The following AFDN variants were observed in gnomAD, a reference collection of about 807,000 sequenced individuals.
The protein encoded by AFDN is afadin.
A neutral mutation model predicts 216.6 loss-of-function variants in AFDN; 68 were observed. The observed-to-expected ratio is 0.31, with a 90% CI of 0.26 to 0.38. The LOEUF is 0.38. AFDN is among the 10% of genes least tolerant of loss of function. The pLI is 1.00. For synonymous variants in AFDN, 868 were observed against 853.7 expected, an observed-to-expected ratio of 1.02 and a Z score of -0.29; for missense variants, 2,136 against 2,342.0, an observed-to-expected ratio of 0.91 and a Z score of 1.82.
chr6:167,880,264 T>G, intron 5 of AFDN, 96 bp from the exon 6 acceptor site: 1 of 1,122,338 alleles, frequency 8.9e-7, no homozygotes, highest in Non-Finnish European at 1.3e-6. Context: ...TTAGCTAGAA[T>G]GCAGGTACCT....
chr6:167,886,560 A>C (rs946552207), intron 6 of AFDN, among the ~76,000 whole-genome samples: 1 of 152,182 alleles, frequency 6.6e-6, no homozygotes, highest in Non-Finnish European at 1.5e-5. Flanking sequence ...TTATAAGATA[A>C]TCCCTTACCA....
chr6:167,897,347 A>G (rs1788390116), intron 10 of AFDN, among the ~76,000 whole-genome samples: 1 of 152,220 alleles, frequency 6.6e-6, no homozygotes, highest in Non-Finnish European at 1.5e-5. Context: ...TTCTAATTAA[A>G]TTTAGCTTAA....
chr6:167,893,570 C>T (rs182774213), intron 8 of AFDN: 2 of 343,126 alleles, frequency 5.8e-6, no homozygotes, highest in Admixed American at 4.0e-5. Context: ...GGTGGTAGCC[C>T]TCTGTATGAT....
Position 167,962,729 on chromosome 6 carries a change from A to G in AFDN, c.4968+162A>G. ...GTGATTGGACCTGCAACTTTACCCC[A>G]TCTGGCCCACCTACCTCTCTTCTGG... On this transcript the variant is annotated intron_variant, in intron 31 of 33. Transcript: ENST00000683244. This position sits in a 1 kb window ranked among gnomAD's most constrained non-coding sequence, Gnocchi z 5.2. The G allele has an allele frequency of 6.6e-7, 1 of 1,507,520 alleles. No homozygotes were observed. Among genetic ancestry groups the G allele is most frequent in the South Asian group, 1.3e-5 (1 of 75,422 alleles). 93.4% of individuals were successfully genotyped at this position (1,507,520 alleles called of 1,614,324 possible).
chr6:167,856,375 G>A lies in AFDN; in HGVS notation c.106-8176G>A, dbSNP rs368721997. Among the ~76,000 whole-genome samples, 3 of 152,016 alleles carry A rather than the reference G, an allele frequency of 2.0e-5. No individual in the cohort carries two copies. The East Asian group carries it at 5.8e-4, about 29-fold the overall frequency. On this transcript the variant is annotated intron_variant, in intron 1 of 33. Transcript: ENST00000683244. ...CCATAGCAGACGTCCAGTGGGGTGG[G>A]GGGTCTTGGAACATGTTCCCTACAG...
At chr6:167,861,674 T>C (rs1326026625) in intron 1 of AFDN, among the ~76,000 whole-genome samples, 1 of 152,236 alleles carries the variant, frequency 6.6e-6, no homozygotes, top group Non-Finnish European at 1.5e-5. Flanking sequence ...CATTCTGGAT[T>C]CTTTCCTTTG....
intron 33 of AFDN, 136 bp from the exon 34 acceptor site, chr6:167,969,646 G>A (rs768772773): frequency 3.7e-5 from 29 of 788,156 alleles, no homozygotes; most frequent in Non-Finnish European, 4.8e-5. Context: ...CTGTGATTTC[G>A]ATTATAAGAA....
At chr6:167,923,389 T>C (rs35396637) in intron 22 of AFDN, among the ~76,000 whole-genome samples, 79 of 152,284 alleles carry the variant, frequency 5.2e-4, no homozygotes, top group Non-Finnish European at 9.7e-4. Flanking sequence ...AATCCCAAAA[T>C]TTCCCAGTTT....
intron 9 of AFDN, 76 bp from the exon 10 acceptor site, chr6:167,896,802 C>A: frequency 2.3e-6 from 2 of 858,234 alleles, no homozygotes; most frequent in Admixed American, 2.0e-5. Flanking sequence ...CCTGAGATAA[C>A]CTTTTGTTTG....
intron 12 of AFDN, among the ~76,000 whole-genome samples, chr6:167,906,785 A>G (rs1292418168): frequency 1.3e-5 from 2 of 152,246 alleles, no homozygotes; most frequent in Non-Finnish European, 2.9e-5. Context: ...ATAAACTTTA[A>G]AAAGACCCTG....
At chr6:167,938,904 G>A (rs1165448234) in intron 23 of AFDN, among the ~76,000 whole-genome samples, 1 of 152,190 alleles carries the variant, frequency 6.6e-6, no homozygotes, top group Non-Finnish European at 1.5e-5. Context: ...TGACTGGCAG[G>A]CAGCACCAAC....
At chr6:167,903,853 A>G (rs1168409138) in intron 12 of AFDN, among the ~76,000 whole-genome samples, 1 of 152,198 alleles carries the variant, frequency 6.6e-6, no homozygotes, top group Admixed American at 6.5e-5. Flanking sequence ...ATGACCTCCC[A>G]GGTCCCAAAT....
chr6:167,887,435 C>T (rs968739756), intron 6 of AFDN, among the ~76,000 whole-genome samples: 4 of 148,246 alleles, frequency 2.7e-5, no homozygotes, highest in African/African-American at 7.4e-5. Context: ...TTTATCTTCT[C>T]AGCTTGCCTT....
chr6:167,870,263 A>T, intron 2 of AFDN, 123 bp from the exon 3 acceptor site: 1 of 605,982 alleles, frequency 1.7e-6, no homozygotes, highest in South Asian at 2.6e-5. Flanking sequence ...TTTGAACAAT[A>T]CATTTCAGTC....
At chr6:167,964,027 C>A (rs912939223) in intron 31 of AFDN, 21 of 1,064,312 alleles carry the variant, frequency 2.0e-5, no homozygotes, top group Non-Finnish European at 2.3e-5. Context: ...TGGGTTGTCA[C>A]GGCAGCACAG....
intron 32 of AFDN, 46 bp from the exon 33 acceptor site, chr6:167,969,068 G>C (rs938009328): frequency 2.0e-5 from 28 of 1,433,414 alleles, no homozygotes; most frequent in Non-Finnish European, 2.3e-5. Flanking sequence ...GTAAAGCTTA[G>C]AAATAATCAG....
At chr6:167,876,192 A>G (rs548541439) in intron 5 of AFDN, among the ~76,000 whole-genome samples, 3 of 152,122 alleles carry the variant, frequency 2.0e-5, no homozygotes, top group African/African-American at 7.2e-5. Flanking sequence ...TCTGGGGGGA[A>G]CGTTGGCCCA....
At chr6:167,879,468 TAAAG>T (rs1344496742) in intron 5 of AFDN, among the ~76,000 whole-genome samples, 3 of 152,162 alleles carry the variant, frequency 2.0e-5, no homozygotes, top group African/African-American at 4.8e-5. Context: ...AATTGAGAGT[TAAAG>T]AAGCCAGAGT....
chr6:167,964,316 A>G (rs1324099498), intron 31 of AFDN: 8 of 1,064,084 alleles, frequency 7.5e-6, no homozygotes, highest in Non-Finnish European at 8.0e-6. Flanking sequence ...TGGTATAACT[A>G]AAAGAGGATA....
Sources: allele counts gnomAD v4.1 joint callset (sites outside exome capture counted in the v4.1 genomes callset), GRCh38; gene constraint gnomAD v4.1.1; non-coding constraint Gnocchi (gnomAD v3.1); transcripts MANE v1.5; gene names NCBI Gene and HGNC (gene_info 2026-07-23, HGNC 2026-07-21).